UXS1: variants seen among roughly 807,000 people sequenced by gnomAD.
UXS1 encodes the protein UDP-glucuronate decarboxylase 1.
UXS1 carries 33 observed loss-of-function variants against 62.6 expected under a neutral mutation model. The ratio of observed to expected loss-of-function variants is 0.53; its 90% confidence interval spans 0.40 to 0.70. The LOEUF (loss-of-function observed/expected upper bound fraction) is 0.70. UXS1 is among the 30% of genes least tolerant of loss of function. The pLI, the probability that UXS1 is intolerant of heterozygous loss-of-function variation, is 0.00. For missense variants in UXS1, 434 were observed against 556.3 expected (o/e 0.78, Z 2.21); for synonymous variants, 213 against 206.8 (o/e 1.03, Z -0.26).
At chr2:106,174,965 T>G (rs1231135511) in intron 1 of UXS1, among the ~76,000 whole-genome samples, 3 of 152,192 alleles carry the variant, frequency 2.0e-5, no homozygotes, top group African/African-American at 4.8e-5. Flanking sequence ...ACGCATCTTG[T>G]TCATTTCCAA....
chr2:106,142,700 A>G (rs988835662), intron 6 of UXS1, among the ~76,000 whole-genome samples: 1 of 152,112 alleles, frequency 6.6e-6, no homozygotes, highest in Admixed American at 6.5e-5. Flanking sequence ...AGCAAGGGGG[A>G]AATTATCAAG....
intron 6 of UXS1, among the ~76,000 whole-genome samples, chr2:106,137,936 C>T (rs560355804): frequency 2.0e-5 from 3 of 152,254 alleles, no homozygotes; most frequent in Admixed American, 6.5e-5. Flanking sequence ...CTTATACTCA[C>T]GGGCATTTCT....
At chr2:106,128,575 G>C (rs1430624557) in intron 7 of UXS1, among the ~76,000 whole-genome samples, 2 of 152,124 alleles carry the variant, frequency 1.3e-5, no homozygotes, top group Non-Finnish European at 2.9e-5. Context: ...ACAGAACATC[G>C]ATCTGCCCTC....
intron 1 of UXS1, among the ~76,000 whole-genome samples, chr2:106,184,534 G>C (rs749390883): frequency 2.0e-5 from 3 of 152,208 alleles, no homozygotes; most frequent in Non-Finnish European, 4.4e-5. Flanking sequence ...ATGAAGGTTG[G>C]GAAGTGCAAG....
intron 4 of UXS1, chr2:106,159,194 C>T (rs1682701309): frequency 1.3e-5 from 2 of 152,264 alleles, no homozygotes; most frequent in Non-Finnish European, 2.9e-5. Flanking sequence ...CAAGAAGAGC[C>T]CACCGGGCTA....
At chr2:106,095,687 C>T (rs890201112) in intron 14 of UXS1, among the ~76,000 whole-genome samples, 2 of 152,144 alleles carry the variant, frequency 1.3e-5, no homozygotes, top group Admixed American at 1.3e-4. Context: ...CGAGGGGAGC[C>T]CGAATTTCAG....
chr2:106,126,468 A>G (rs1413970353), intron 7 of UXS1, among the ~76,000 whole-genome samples: 1 of 152,076 alleles, frequency 6.6e-6, no homozygotes, highest in Non-Finnish European at 1.5e-5. Context: ...CCCCACCAAC[A>G]GCAGGGGCCA....
intron 4 of UXS1, chr2:106,159,124 ACT>A (rs1302223469): frequency 2.0e-5 from 3 of 151,820 alleles, no homozygotes; most frequent in Non-Finnish European, 4.4e-5. Flanking sequence ...CTGTGATTAA[ACT>A]CTCTCTTCGC....
chr2:106,140,575 C>T (rs1681020943), intron 6 of UXS1, among the ~76,000 whole-genome samples: 1 of 130,146 alleles, frequency 7.7e-6, no homozygotes, highest in Admixed American at 8.3e-5. Context: ...GTGCCCCCAC[C>T]CCCGGCCCTC....
chr2:106,102,963 T>G (rs1221952579), intron 11 of UXS1: 1 of 152,188 alleles, frequency 6.6e-6, no homozygotes. Flanking sequence ...TGTTATGAAA[T>G]GGGTTTTCTA....
chr2:106,120,198 G>T (rs1388072786), intron 9 of UXS1, among the ~76,000 whole-genome samples: 1 of 152,190 alleles, frequency 6.6e-6, no homozygotes, highest in Non-Finnish European at 1.5e-5. Flanking sequence ...TAACGGGACG[G>T]AAGGTGGGAA....
At chr2:106,124,473 A>G (rs1207881804) in intron 8 of UXS1, among the ~76,000 whole-genome samples, 1 of 152,262 alleles carries the variant, frequency 6.6e-6, no homozygotes, top group Admixed American at 6.5e-5. Flanking sequence ...TCCCCTTTCC[A>G]GCATTCTGTG....
At chr2:106,125,726 A>G (rs757962858) in intron 7 of UXS1, 47 bp from the exon 8 acceptor site, 2 of 1,494,972 alleles carry the variant, frequency 1.3e-6, no homozygotes, top group South Asian at 2.6e-5. Context: ...TTACATGTGC[A>G]GGCACATTTT....
intron 6 of UXS1, chr2:106,138,383 GC>G (rs1680832471): frequency 1.0e-6 from 1 of 985,446 alleles, no homozygotes; most frequent in South Asian, 4.7e-5. Context: ...AGCACAAGAT[GC>G]AGGCCTTTCC....
chr2:106,157,796 G>C (rs914211242), intron 5 of UXS1, among the ~76,000 whole-genome samples: 1 of 152,186 alleles, frequency 6.6e-6, no homozygotes, highest in African/African-American at 2.4e-5. Flanking sequence ...CAGATTCATA[G>C]AGATAGAGAG....
chr2:106,154,870 C>G (rs1176904266), intron 5 of UXS1, among the ~76,000 whole-genome samples: 1 of 152,170 alleles, frequency 6.6e-6, no homozygotes, highest in African/African-American at 2.4e-5. Flanking sequence ...ATACCTGAAG[C>G]TGGGTGATTT....
intron 1 of UXS1, among the ~76,000 whole-genome samples, chr2:106,176,755 G>C (rs1683906302): frequency 6.6e-6 from 1 of 152,224 alleles, no homozygotes; most frequent in Non-Finnish European, 1.5e-5. Flanking sequence ...GCCTGAGCAG[G>C]CTCTAGCAAC....
chr2:106,156,713 G>A (rs182490502), intron 5 of UXS1, among the ~76,000 whole-genome samples: 1 of 152,210 alleles, frequency 6.6e-6, no homozygotes, highest in East Asian at 1.9e-4. Context: ...TAAATGTTAT[G>A]TAAAAATGTT....
intron 12 of UXS1, 95 bp downstream of exon 12, chr2:106,100,963 G>A (rs751180602): frequency 6.4e-5 from 92 of 1,446,008 alleles, no homozygotes; most frequent in Middle Eastern, 1.7e-4. Context: ...TAAGTGTGCC[G>A]ATGGCAAATG....
Sources: allele counts gnomAD v4.1 joint callset (sites outside exome capture counted in the v4.1 genomes callset), GRCh38; gene constraint gnomAD v4.1.1; transcripts MANE v1.5; gene names NCBI Gene and HGNC (gene_info 2026-07-23, HGNC 2026-07-21).